The following ANKRD42 variants were observed in gnomAD, a reference collection of about 807,000 sequenced individuals.
ANKRD42 encodes ankyrin repeat domain-containing protein 42.
Under a neutral mutation model 51.5 loss-of-function variants are expected in ANKRD42, and 43 were observed. The ratio of observed to expected loss-of-function variants is 0.83; its 90% CI spans 0.65 to 1.08. The LOEUF (loss-of-function observed/expected upper bound fraction) is 1.08, where lower values mean the gene tolerates loss of function less well. ANKRD42 is among the 50% of genes least tolerant of loss of function. The pLI is 0.00. For synonymous variants in ANKRD42, 203 were observed against 213.0 expected, an observed-to-expected ratio of 0.95 and a Z score of 0.41; for missense variants, 608 against 629.3, an observed-to-expected ratio of 0.97 and a Z score of 0.36.
intron 2 of ANKRD42, among the ~76,000 whole-genome samples, chr11:83,201,377 C>A (rs1007432089): frequency 2.0e-5 from 3 of 152,296 alleles, no homozygotes; most frequent in Non-Finnish European, 2.9e-5. Flanking sequence ...ATATGTGCCA[C>A]ATTTTCTTTA....
intron 5 of ANKRD42, among the ~76,000 whole-genome samples, chr11:83,219,326 G>A (rs994309372): frequency 6.6e-6 from 1 of 152,204 alleles, no homozygotes; most frequent in Non-Finnish European, 1.5e-5. Flanking sequence ...TGAATTTATT[G>A]TGGTTCTTCT....
chr11:83,219,125 C>T (rs1275726265), intron 5 of ANKRD42, among the ~76,000 whole-genome samples: 1 of 152,246 alleles, frequency 6.6e-6, no homozygotes, highest in Admixed American at 6.5e-5. Context: ...ATGTCTGCAC[C>T]TCTGGTTAGT....
At chr11:83,261,509 C>T (rs1863924470), downstream of ANKRD42, 1 of 154,660 alleles carries the variant, frequency 6.5e-6, no homozygotes, top group African/African-American at 2.4e-5. Flanking sequence ...CAATGGTTAT[C>T]AGGAAAGTTA....
chr11:83,233,190 G>A (rs1041059236), intron 7 of ANKRD42, among the ~76,000 whole-genome samples: 72 of 150,480 alleles, frequency 4.8e-4, no homozygotes, highest in African/African-American at 1.7e-3. Flanking sequence ...ATAGAATTCA[G>A]CAATGAAGCC....
At chr11:83,237,668 C>T (rs1863263015) in intron 8 of ANKRD42, among the ~76,000 whole-genome samples, 1 of 152,112 alleles carries the variant, frequency 6.6e-6, no homozygotes, top group South Asian at 2.1e-4. Flanking sequence ...TTTTGTTGTA[C>T]CATGTACCTG....
downstream of ANKRD42, chr11:83,259,166 C>T (rs1863828248): frequency 6.6e-6 from 1 of 152,162 alleles, no homozygotes; most frequent in Non-Finnish European, 1.5e-5. Flanking sequence ...CTTCTGAGAA[C>T]TTGTAGTTTA....
intron 5 of ANKRD42, among the ~76,000 whole-genome samples, chr11:83,216,853 C>T (rs1052223435): frequency 6.6e-6 from 1 of 150,934 alleles, no homozygotes; most frequent in African/African-American, 2.4e-5. Context: ...GCTGGCCCCT[C>T]CTCTGAGTCC....
chr11:83,203,407 T>C (rs1861946621), intron 2 of ANKRD42, among the ~76,000 whole-genome samples: 1 of 150,718 alleles, frequency 6.6e-6, no homozygotes, highest in Non-Finnish European at 1.5e-5. Context: ...TTTTTTTTTT[T>C]TTTTGAGAGG....
chr11:83,218,515 G>T (rs900099594), intron 5 of ANKRD42, among the ~76,000 whole-genome samples: 2 of 152,176 alleles, frequency 1.3e-5, no homozygotes, highest in Middle Eastern at 3.2e-3. Flanking sequence ...TAAAACATCT[G>T]TATAGTTATA....
chr11:83,246,943 C>T (rs1863558799), intron 10 of ANKRD42, among the ~76,000 whole-genome samples: 2 of 152,076 alleles, frequency 1.3e-5, no homozygotes, highest in African/African-American at 4.8e-5. Flanking sequence ...GTTTTTTTCC[C>T]TGCTACCCTA....
downstream of ANKRD42, among the ~76,000 whole-genome samples, chr11:83,251,834 G>T (rs1863680211): frequency 6.6e-6 from 1 of 152,102 alleles, no homozygotes; most frequent in Non-Finnish European, 1.5e-5. Flanking sequence ...GTCTTAAATT[G>T]GAAGTTGAGA....
chr11:83,199,073 T>C (rs1221521600), intron 2 of ANKRD42, among the ~76,000 whole-genome samples: 3 of 152,304 alleles, frequency 2.0e-5, no homozygotes, highest in South Asian at 4.1e-4. Flanking sequence ...TAGTTTCTAC[T>C]TCCTCACAAT....
intron 5 of ANKRD42, among the ~76,000 whole-genome samples, chr11:83,217,506 C>T (rs777535453): frequency 6.6e-6 from 1 of 152,210 alleles, no homozygotes; most frequent in East Asian, 1.9e-4. Context: ...GACAGTCATC[C>T]GAGGCAGGAG....
At chr11:83,260,804 TTG>T (rs1355414470), downstream of ANKRD42, 1 of 152,168 alleles carries the variant, frequency 6.6e-6, no homozygotes, top group African/African-American at 2.4e-5. Flanking sequence ...AGATATTACT[TTG>T]TAAGAAAAAA....
intron 5 of ANKRD42, chr11:83,213,385 G>C: frequency 6.4e-7 from 1 of 1,572,564 alleles, no homozygotes. Flanking sequence ...GCCAGGCTGC[G>C]CAGTGAAGAA....
chr11:83,263,288 CT>C (rs1284239622), downstream of ANKRD42, among the ~76,000 whole-genome samples: 1 of 152,148 alleles, frequency 6.6e-6, no homozygotes, highest in East Asian at 1.9e-4. Flanking sequence ...GTATACTCTA[CT>C]TCAGTAGAGT....
At chr11:83,208,997 T>A (rs1178629313) in intron 3 of ANKRD42, among the ~76,000 whole-genome samples, 1 of 152,214 alleles carries the variant, frequency 6.6e-6, no homozygotes, top group Admixed American at 6.5e-5. Flanking sequence ...ATAACCCATA[T>A]ATAGAAACTA....
intron 9 of ANKRD42, among the ~76,000 whole-genome samples, chr11:83,244,843 A>G (rs920891761): frequency 1.3e-5 from 2 of 152,152 alleles, no homozygotes; most frequent in Non-Finnish European, 2.9e-5. Flanking sequence ...CAGTTTTTCT[A>G]ATTTTCTGTT....
At chr11:83,214,494 T>G in intron 5 of ANKRD42, 1 of 979,204 alleles carries the variant, frequency 1.0e-6, no homozygotes, top group Non-Finnish European at 1.2e-6. Flanking sequence ...ATTTTATTTA[T>G]AACCAGGTAG....
Sources: gnomAD v4.1 joint callset for allele counts (sites outside exome capture counted in the v4.1 genomes callset) on GRCh38, gnomAD v4.1.1 for gene constraint, MANE v1.5 for transcripts, NCBI Gene and HGNC (gene_info 2026-07-23, HGNC 2026-07-21) for gene names.